The following USP53 variants were observed in gnomAD, a reference collection of about 807,000 sequenced individuals.
USP53 encodes the protein ubiquitin carboxyl-terminal hydrolase 53.
USP53 carries 71 observed loss-of-function variants against 94.9 expected under a neutral mutation model. The ratio of observed to expected loss-of-function variants is 0.75; its 90% CI spans 0.62 to 0.91. The LOEUF is 0.91. Ranked by LOEUF, USP53 falls within the 40% of genes least tolerant of loss-of-function variation. The probability of loss-of-function intolerance (pLI) is 0.00; values close to 1 mark genes in which losing one functional copy is unlikely to be tolerated. For synonymous variants in USP53, 375 were observed against 422.7 expected, an observed-to-expected ratio of 0.89 and a Z score of 1.39; for missense variants, 1,173 against 1,281.0, an observed-to-expected ratio of 0.92 and a Z score of 1.29.
At position 119,248,847 on chromosome 4, in the gene USP53, C is replaced by A. The variant is rs1434968610; in HGVS notation, c.337C>A (p.Gln113Lys). 1.2e-6 allele frequency: 2 copies of A among 1,614,000 alleles called. No homozygotes were observed. Among genetic ancestry groups the A allele is most frequent in the Non-Finnish European group, 1.7e-6 (2 of 1,180,030 alleles). ...AAGTTTCAAAGATGAGCAGCGATTT[C>A]AACTTGGCCTTATGGATGATGCTGC... ...AESFKDEQRF[Q>K]LGLMDDAAEC... Residue 113 changes from glutamine (Q) to lysine (K), a missense_variant, in exon 7 of 19, where the codon CAA (glutamine) becomes AAA (lysine). Physicochemically the swap from Gln to Lys is moderately conservative, Grantham distance 53 (BLOSUM62 1). Transcript: ENST00000692078.
rs944192868 is a variant in USP53, at chr4:119,242,799, G to A, written c.145-2538G>A. On this transcript the variant is annotated intron_variant, in intron 5 of 18. Coordinates refer to ENST00000692078, the MANE Select transcript of USP53 (RefSeq NM_001371395.1). ...GAATACAAATGTTGATTTGCAATTC[G>A]ATGAATACATTTTCAAAAATGCTGA... 3.3e-5 allele frequency among the ~76,000 whole-genome samples: 5 copies of A among 152,084 alleles called. No homozygotes were observed. In the South Asian group the frequency reaches 8.3e-4, roughly 25 times the overall value.
chr4:119,269,677 G>A lies in USP53; in HGVS notation c.1289-14G>A. On this transcript the variant is annotated splice_polypyrimidine_tract_variant and intron_variant, in intron 14 of 18. Coordinates refer to ENST00000692078, the MANE Select transcript of USP53 (RefSeq NM_001371395.1). ...AAATGATCTGTATCATAGTAAGAAT[G>A]ATTTCTTTTACAGCTAAGTTAAGTC... The A allele has an allele frequency of 7.3e-7, 1 of 1,370,948 alleles. No individual in the cohort carries two copies. The highest frequency in any genetic ancestry group is 1.5e-5 in the African/African-American group (1 of 67,610). The allele number at this position is 1,370,948 out of a possible 1,614,324, so 84.9% of individuals were successfully genotyped here. A position where few individuals can be genotyped will look rare whatever the true frequency, so the allele number is the denominator to read the frequency against.
At chr4:119,264,525 C>T (rs961103953) in intron 12 of USP53, among the ~76,000 whole-genome samples, 1 of 152,110 alleles carries the variant, frequency 6.6e-6, no homozygotes. Context: ...ATTAAAAAAT[C>T]AGCAAAAAAT....
intron 14 of USP53, 135 bp from the exon 15 acceptor site, chr4:119,269,556 C>A: frequency 1.9e-6 from 1 of 522,792 alleles, no homozygotes; most frequent in Non-Finnish European, 2.9e-6. Flanking sequence ...CATAAAAATA[C>A]CATTGTATAC....
chr4:119,268,348 C>T lies in USP53; in HGVS notation c.1216C>T (p.Gln406Ter), dbSNP rs1349341634. The change falls in exon 14 of 19, where the codon CAG becomes TAG. Residue 406 changes from glutamine to a stop codon, truncating the protein, a stop_gained. Coordinates refer to ENST00000692078, the MANE Select transcript of USP53 (RefSeq NM_001371395.1). LOFTEE classifies it high-confidence loss of function. ...TGATCAGGCAAAGCAGAGAGAAAAT[C>T]AGAAATTTCCAACTGATAATATTTC... ...FGDQAKQREN[Q>*]KFPTDNISSS... The T allele has an allele frequency of 1.2e-6, 2 of 1,613,818 alleles. No individual in the cohort carries two copies. The highest frequency in any genetic ancestry group is 3.3e-5 in the Admixed American group (2 of 59,974).
chr4:119,230,387 TAA>T (rs919544161), intron 3 of USP53, among the ~76,000 whole-genome samples: 1 of 152,224 alleles, frequency 6.6e-6, no homozygotes, highest in Non-Finnish European at 1.5e-5. Flanking sequence ...AGAGTGGCTA[TAA>T]ACACTACCCC....
chr4:119,291,182 A>G lies in USP53; in HGVS notation c.2269A>G (p.Arg757Gly), dbSNP rs1259349805. The change falls in exon 18 of 19, where the codon AGG (arginine) becomes GGG (glycine). Residue 757 changes from arginine to glycine, a missense_variant. Transcript: ENST00000692078. Reference protein sequence around the residue: ...HHLEGFRKELRNLEAGYKSHE... With the variant: ...HHLEGFRKELGNLEAGYKSHE... ...AACCCTAGGCTTTAGAAAAGAACTC[A>G]GGAATTTGGAAGCAGGCTATAAATC... is the stretch of plus-strand genomic sequence containing the variant. 1 of 1,564,618 alleles carries G rather than the reference A, an allele frequency of 6.4e-7. No homozygotes were observed. Among genetic ancestry groups the G allele is most frequent in the Non-Finnish European group, 8.6e-7 (1 of 1,157,022 alleles).
At chr4:119,238,732 A>G (rs966503419) in intron 4 of USP53, among the ~76,000 whole-genome samples, 4 of 152,222 alleles carry the variant, frequency 2.6e-5, no homozygotes, top group African/African-American at 9.6e-5. Flanking sequence ...TAGGTTTAAC[A>G]TTTAAAGTCC....
At chr4:119,225,738 C>G (rs1745157103) in intron 3 of USP53, among the ~76,000 whole-genome samples, 1 of 151,246 alleles carries the variant, frequency 6.6e-6, no homozygotes, top group African/African-American at 2.4e-5. Flanking sequence ...GACACTGTCT[C>G]AAAAACAAAA....
Position 119,269,774 on chromosome 4 carries a change from TTAC to T in USP53, c.1374_1376del (p.Leu458_Leu459delinsPhe). 1 of 1,516,354 alleles carries T rather than the reference TTAC, an allele frequency of 6.6e-7. No individual in the cohort carries two copies. The highest frequency in any genetic ancestry group is 8.8e-7 in the Non-Finnish European group (1 of 1,132,806). 93.9% of individuals were successfully genotyped at this position (1,516,354 alleles called of 1,614,324 possible). A position where few individuals can be genotyped will look rare whatever the true frequency, so the allele number is the denominator to read the frequency against. ...TCTGAAAGCTATTGAACAGAAAAAC[TTAC>T]TTTCTTCACAAAGGAAAGATTTAGA... On this transcript the variant is annotated inframe_deletion, in exon 15 of 19. Transcript: ENST00000692078.
intron 17 of USP53, among the ~76,000 whole-genome samples, chr4:119,287,095 G>C (rs1416850653): frequency 6.6e-6 from 1 of 152,018 alleles, no homozygotes; most frequent in Non-Finnish European, 1.5e-5. Context: ...TGGGCAGGGT[G>C]GAGGTGACTT....
At chr4:119,221,220 T>C (rs1744463789) in intron 3 of USP53, 2 of 152,160 alleles carry the variant, frequency 1.3e-5, no homozygotes, top group Non-Finnish European at 2.9e-5. Flanking sequence ...AAATATCAAA[T>C]AGTTACTTAT....
At chr4:119,226,698 T>G (rs1023511017) in intron 3 of USP53, among the ~76,000 whole-genome samples, 1 of 151,964 alleles carries the variant, frequency 6.6e-6, no homozygotes, top group African/African-American at 2.4e-5. Context: ...AAGAGTGTGG[T>G]TTTGGTATAA....
intron 6 of USP53, 121 bp downstream of exon 6, chr4:119,245,550 A>G: frequency 1.3e-6 from 1 of 779,484 alleles, no homozygotes; most frequent in Non-Finnish European, 2.1e-6. Context: ...AGTTTTGAAG[A>G]TGAATTCTTA....
chr4:119,227,213 A>C (rs11946597), intron 3 of USP53, among the ~76,000 whole-genome samples: 51,459 of 149,752 alleles, frequency 0.34, 8,966 homozygotes, highest in African/African-American at 0.38. Context: ...CTGGAAAATT[A>C]GATTTTGTTT....
intron 9 of USP53, among the ~76,000 whole-genome samples, chr4:119,259,133 T>C (rs1014383973): frequency 2.6e-5 from 4 of 151,948 alleles, no homozygotes; most frequent in African/African-American, 9.7e-5. Flanking sequence ...ATACAAAAAT[T>C]AGCCAGATGT....
intron 17 of USP53, among the ~76,000 whole-genome samples, chr4:119,285,752 G>T (rs748210407): frequency 1.3e-5 from 2 of 151,902 alleles, no homozygotes; most frequent in Non-Finnish European, 2.9e-5. Flanking sequence ...AGTATATTTA[G>T]AGAAGTACTT....
intron 17 of USP53, among the ~76,000 whole-genome samples, chr4:119,289,977 A>G (rs1754556233): frequency 6.6e-6 from 1 of 152,212 alleles, no homozygotes; most frequent in African/African-American, 2.4e-5. Context: ...TAATTGTATT[A>G]AAGATTAGAG....
intron 3 of USP53, among the ~76,000 whole-genome samples, chr4:119,231,906 G>A (rs905516708): frequency 1.3e-5 from 2 of 151,808 alleles, no homozygotes; most frequent in African/African-American, 4.9e-5. Flanking sequence ...TGCCTGGGAC[G>A]TACCAAAATT....
Sources: allele counts gnomAD v4.1 joint callset (sites outside exome capture counted in the v4.1 genomes callset), GRCh38; gene constraint gnomAD v4.1.1; transcripts MANE v1.5; gene names NCBI Gene and HGNC (gene_info 2026-07-23, HGNC 2026-07-21).